The following TXLNB variants were observed in gnomAD, a reference collection of about 807,000 sequenced individuals.
TXLNB encodes taxilin beta.
TXLNB carries 37 observed loss-of-function variants against 57.4 expected under a neutral mutation model. The ratio of observed to expected loss-of-function variants is 0.64; its 90% CI spans 0.50 to 0.85. The LOEUF (loss-of-function observed/expected upper bound fraction) is 0.85. Among genes scored for constraint, TXLNB ranks in the 40% least tolerant of loss-of-function variants. TXLNB has a pLI of 0.00. For synonymous variants in TXLNB, 302 were observed against 309.6 expected (o/e 0.98, Z 0.26); for missense variants, 848 against 825.6 (o/e 1.03, Z -0.33).
chr6:139,302,417 C>T, the TXLNB span, among the ~76,000 whole-genome samples: 2 of 151,604 alleles, frequency 1.3e-5, no homozygotes, highest in African/African-American at 4.8e-5. Context: ...AAAAATGAAT[C>T]TAGTGGGTTT....
rs535589365 is a variant in TXLNB at position 139,270,395 on chromosome 6, C to T, written c.687+61G>A. The T allele has an allele frequency of 7.6e-5, 112 of 1,481,904 alleles. No homozygotes were observed. The South Asian group carries it at 1.4e-3, about 18-fold the overall frequency. 91.8% of individuals were successfully genotyped at this position (1,481,904 alleles called of 1,614,324 possible). On this transcript the variant is annotated intron_variant, in intron 4 of 9. Coordinates refer to ENST00000358430, the MANE Select transcript of TXLNB (RefSeq NM_153235.4). Reference sequence around the variant, plus strand: ...AAATTCACACTCTTTCCATGAGTAGCAGAGGCCTGTCTCTGTGCCCCATTC... The same window carrying T: ...AAATTCACACTCTTTCCATGAGTAGTAGAGGCCTGTCTCTGTGCCCCATTC...
chr6:139,199,205 A>AT, the TXLNB span, among the ~76,000 whole-genome samples: 340 of 151,112 alleles, frequency 2.2e-3, 1 homozygote, highest in African/African-American at 7.8e-3. Flanking sequence ...CTTTGCCTTA[A>AT]TTTTTTTTTG....
the TXLNB span, among the ~76,000 whole-genome samples, chr6:139,311,786 C>T: frequency 2.0e-5 from 3 of 152,258 alleles, no homozygotes; most frequent in South Asian, 6.2e-4. Context: ...TCCGGCACAA[C>T]AGCAAAGTAC....
the TXLNB span, among the ~76,000 whole-genome samples, chr6:139,233,450 T>C: frequency 1.6e-5 from 2 of 124,462 alleles, no homozygotes; most frequent in African/African-American, 7.4e-5. Context: ...TAGATAGATA[T>C]TTTTTTTGAG....
Position 139,242,240 on chromosome 6 carries a change from A to C in TXLNB, c.*286T>G. On this transcript the variant is annotated 3_prime_UTR_variant, in exon 10 of 10. Coordinates refer to ENST00000358430, the MANE Select transcript of TXLNB (RefSeq NM_153235.4). ...TTACTGGTGATTAACAAATTTAAGTATTATCTTAACAGAAAAGGAATATAA... is the reference window on the plus strand; with the variant it reads ...TTACTGGTGATTAACAAATTTAAGTCTTATCTTAACAGAAAAGGAATATAA... The C allele has an allele frequency of 7.7e-6, 2 of 261,058 alleles. No individual in the cohort carries two copies. The highest frequency in any genetic ancestry group is 1.4e-5 in the Non-Finnish European group (2 of 140,240). The allele number at this position is 261,058 out of a possible 1,614,324, so 16.2% of individuals were successfully genotyped here.
Position 139,247,618 on chromosome 6 carries a change from T to A in TXLNB, c.1170+199A>T, listed in dbSNP as rs149106644. ...TCAGAGTGAAAATGAAACCTAGAATTTTTGGACTCCTGCTAAGATTAATTC... is the reference window on the plus strand; with the variant it reads ...TCAGAGTGAAAATGAAACCTAGAATATTTGGACTCCTGCTAAGATTAATTC... On this transcript the variant is annotated intron_variant, in intron 8 of 9. Transcript: ENST00000358430. Among the ~76,000 whole-genome samples, 861 of 151,090 alleles carry A rather than the reference T, an allele frequency of 5.7e-3. 7 individuals carry two copies. The highest frequency in any genetic ancestry group is 0.02 in the African/African-American group (828 of 41,072).
chr6:139,213,695 T>G, the TXLNB span, among the ~76,000 whole-genome samples: 2 of 152,092 alleles, frequency 1.3e-5, no homozygotes, highest in South Asian at 4.1e-4. Context: ...AGGAGCTGGT[T>G]TTTTGAAAAG....
the TXLNB span, among the ~76,000 whole-genome samples, chr6:139,214,977 A>G: frequency 7.2e-5 from 11 of 152,208 alleles, no homozygotes; most frequent in Non-Finnish European, 1.5e-4. Context: ...GAAATAAAAG[A>G]GGATACAAAC....
At chr6:139,232,907 G>A in the TXLNB span, among the ~76,000 whole-genome samples, 1 of 152,078 alleles carries the variant, frequency 6.6e-6, no homozygotes, top group African/African-American at 2.4e-5. Context: ...TCTACCCCAT[G>A]TCCAGGAGGT....
intron 4 of TXLNB, among the ~76,000 whole-genome samples, chr6:139,263,527 C>A (rs1776538993): frequency 6.6e-6 from 1 of 152,130 alleles, no homozygotes; most frequent in African/African-American, 2.4e-5. Flanking sequence ...TCTAATTTTC[C>A]TTCTTCCGCT....
downstream of TXLNB, among the ~76,000 whole-genome samples, chr6:139,238,896 G>A (rs1163033100): frequency 3.9e-5 from 6 of 152,182 alleles, no homozygotes; most frequent in Admixed American, 3.9e-4. Flanking sequence ...ACTGGTTAGA[G>A]GAGAATGGGC....
intron 3 of TXLNB, among the ~76,000 whole-genome samples, chr6:139,273,597 T>G (rs960208416): frequency 1.4e-5 from 2 of 144,246 alleles, no homozygotes; most frequent in Admixed American, 7.2e-5. Context: ...CCTGAGTAGC[T>G]GGGACAACAG....
upstream of TXLNB, among the ~76,000 whole-genome samples, chr6:139,294,554 A>T (rs1318470751): frequency 6.6e-6 from 1 of 152,164 alleles, no homozygotes; most frequent in Non-Finnish European, 1.5e-5. Context: ...GTTCTCATAA[A>T]AAAGGTCTGA....
At chr6:139,260,778 A>T (rs1469788478) in intron 5 of TXLNB, among the ~76,000 whole-genome samples, 1 of 152,240 alleles carries the variant, frequency 6.6e-6, no homozygotes, top group Non-Finnish European at 1.5e-5. Flanking sequence ...ATGATGTATC[A>T]GTATACAATA....
At chr6:139,237,507 T>TAAAAAAAAAAAAAAAA (rs58158274), downstream of TXLNB, 1 of 77,592 alleles carries the variant, frequency 1.3e-5, no homozygotes, top group Non-Finnish European at 2.6e-5. Context: ...AGACTCCATC[T>TAAAAAAAAAAAAAAAA]AAAAAAAAAA....
At chr6:139,185,231 G>T in the TXLNB span, among the ~76,000 whole-genome samples, 3 of 152,004 alleles carry the variant, frequency 2.0e-5, no homozygotes, top group Admixed American at 2.0e-4. Flanking sequence ...CCCACCACAA[G>T]GCTGCACAGG....
In TXLNB at chr6:139,288,902, T is replaced by A; in HGVS notation, c.-3A>T. The A allele has an allele frequency of 6.2e-7, 1 of 1,610,386 alleles. No homozygotes were observed. Among genetic ancestry groups the A allele is most frequent in the Non-Finnish European group, 8.5e-7 (1 of 1,177,472 alleles). On this transcript the variant is annotated 5_prime_UTR_variant, in exon 2 of 10. Transcript: ENST00000358430. ...TGTTCAGAGTGATTAGCCTCCATCTTGGGAGTAGTATCTAGTGGTAAGCAC... is the reference window on the plus strand; with the variant it reads ...TGTTCAGAGTGATTAGCCTCCATCTAGGGAGTAGTATCTAGTGGTAAGCAC...
At chr6:139,233,553 C>G in the TXLNB span, among the ~76,000 whole-genome samples, 427 of 151,920 alleles carry the variant, frequency 2.8e-3, 3 homozygotes, top group African/African-American at 9.9e-3. Flanking sequence ...CTCATGAGAT[C>G]TGATGGTTTT....
chr6:139,308,598 C>T, the TXLNB span, among the ~76,000 whole-genome samples: 12 of 152,092 alleles, frequency 7.9e-5, no homozygotes, highest in Non-Finnish European at 5.9e-5. Context: ...TGGACTATGT[C>T]GTTAGTGGTT....
Sources: allele counts gnomAD v4.1 joint callset (sites outside exome capture counted in the v4.1 genomes callset), GRCh38; gene constraint gnomAD v4.1.1; transcripts MANE v1.5; gene names NCBI Gene and HGNC (gene_info 2026-07-23, HGNC 2026-07-21).